Variants in GALNTL6 observed in about 807,000 individuals in gnomAD.
GALNTL6 encodes polypeptide N-acetylgalactosaminyltransferase-like 6.
GALNTL6 carries 46 observed loss-of-function variants against 73.7 expected under a neutral mutation model. The ratio of observed to expected loss-of-function variants is 0.62; its 90% CI spans 0.49 to 0.80. The LOEUF is 0.80. Ranked by LOEUF, GALNTL6 falls within the 30% of genes least tolerant of loss-of-function variation. The pLI is 0.00. For missense variants in GALNTL6, 604 were observed against 755.0 expected, an observed-to-expected ratio of 0.80 and a Z score of 2.34; for synonymous variants, 259 against 263.7, an observed-to-expected ratio of 0.98 and a Z score of 0.17.
intron 2 of GALNTL6, among the ~76,000 whole-genome samples, chr4:172,056,148 C>T (rs11132924): frequency 0.062 from 9,406 of 152,064 alleles, 439 homozygotes; most frequent in East Asian, 0.24. Flanking sequence ...TGACACTTAA[C>T]GAAAAAAATG....
chr4:172,959,904 G>A (rs866344016), intron 10 of GALNTL6, among the ~76,000 whole-genome samples: 85 of 152,330 alleles, frequency 5.6e-4, no homozygotes, highest in South Asian at 1.4e-3. Flanking sequence ...AAGTTCTTGT[G>A]TGCTGGAGAT....
chr4:171,904,424 A>T (rs7699364), intron 2 of GALNTL6, among the ~76,000 whole-genome samples: 11,747 of 151,538 alleles, frequency 0.078, 1,355 homozygotes, highest in African/African-American at 0.25. Context: ...TGAAACAAAG[A>T]GAGAAGGGAA....
At position 172,043,240 on chromosome 4, in the gene GALNTL6, C is replaced by G. The variant is rs192306572; in HGVS notation, c.139-186416C>G. Among the ~76,000 whole-genome samples, 3 of 152,136 alleles carry G rather than the reference C, an allele frequency of 2.0e-5. No individual in the cohort carries two copies. The East Asian group carries it at 5.8e-4, about 29-fold the overall frequency. On this transcript the variant is annotated intron_variant, in intron 2 of 12. Transcript: ENST00000506823. ...TTGATTAAAATCTCTGAAATGTAAT[C>G]TCTTTATACAGTATCTTCTTCATAA...
intron 5 of GALNTL6, among the ~76,000 whole-genome samples, chr4:172,365,731 A>G (rs58332886): frequency 0.031 from 4,711 of 151,856 alleles, 239 homozygotes; most frequent in African/African-American, 0.1. Context: ...ATCAAAATGT[A>G]TGTAGTGCGA....
chr4:172,448,084 C>T (rs2111415165), intron 5 of GALNTL6, among the ~76,000 whole-genome samples: 1 of 152,218 alleles, frequency 6.6e-6, no homozygotes, highest in Middle Eastern at 3.4e-3. Context: ...TCACTGCCTT[C>T]TTGCTCTAGT....
intron 10 of GALNTL6, among the ~76,000 whole-genome samples, chr4:172,955,843 C>T (rs572241555): frequency 2.5e-4 from 37 of 148,346 alleles, no homozygotes; most frequent in African/African-American, 8.0e-4. Flanking sequence ...CTGGCTGGCA[C>T]GGGTGGGGGT....
intron 2 of GALNTL6, among the ~76,000 whole-genome samples, chr4:172,088,555 TCAGA>T (rs1178801264): frequency 6.6e-6 from 1 of 152,178 alleles, no homozygotes; most frequent in Non-Finnish European, 1.5e-5. Context: ...GATTTAATGC[TCAGA>T]CAATGGTTAA....
intron 5 of GALNTL6, among the ~76,000 whole-genome samples, chr4:172,503,268 C>T (rs1226738677): frequency 6.6e-6 from 1 of 151,800 alleles, no homozygotes; most frequent in African/African-American, 2.4e-5. Context: ...AGCAAAATAC[C>T]TTATTAAATA....
intron 8 of GALNTL6, among the ~76,000 whole-genome samples, chr4:172,903,245 T>A (rs1469740827): frequency 2.0e-5 from 3 of 152,192 alleles, no homozygotes; most frequent in Non-Finnish European, 4.4e-5. Context: ...CTAAACCGTG[T>A]TTTCCTCTCC....
intron 5 of GALNTL6, among the ~76,000 whole-genome samples, chr4:172,570,371 T>C (rs1736716014): frequency 6.6e-6 from 1 of 152,176 alleles, no homozygotes; most frequent in Non-Finnish European, 1.5e-5. Flanking sequence ...TTTGATTCCC[T>C]AATACAAGTG....
chr4:172,597,318 A>T (rs982431938), intron 5 of GALNTL6, among the ~76,000 whole-genome samples: 1 of 152,264 alleles, frequency 6.6e-6, no homozygotes, highest in East Asian at 1.9e-4. Flanking sequence ...CATTCTATCA[A>T]ATTACTATAG....
intron 5 of GALNTL6, among the ~76,000 whole-genome samples, chr4:172,603,422 G>A (rs1738141329): frequency 6.6e-6 from 1 of 152,124 alleles, no homozygotes; most frequent in Admixed American, 6.6e-5. Context: ...AAGGCCATTG[G>A]CCAAGTGCAT....
chr4:172,659,063 C>T (rs1304613874), intron 5 of GALNTL6, among the ~76,000 whole-genome samples: 1 of 152,116 alleles, frequency 6.6e-6, no homozygotes, highest in African/African-American at 2.4e-5. Flanking sequence ...TCATTTAATC[C>T]TATCTCATCC....
chr4:172,497,613 C>A (rs72704844), intron 5 of GALNTL6, among the ~76,000 whole-genome samples: 1,603 of 152,296 alleles, frequency 0.011, 17 homozygotes, highest in Non-Finnish European at 0.016. Context: ...TCATACAGAG[C>A]AGATGTAGTA....
chr4:172,489,643 G>T (rs180947395), intron 5 of GALNTL6, among the ~76,000 whole-genome samples: 32 of 152,166 alleles, frequency 2.1e-4, no homozygotes, highest in African/African-American at 6.7e-4. Flanking sequence ...AGAATTCCTG[G>T]CATTATTTTT....
chr4:172,363,163 T>C (rs766890014), intron 5 of GALNTL6, among the ~76,000 whole-genome samples: 4 of 152,176 alleles, frequency 2.6e-5, no homozygotes, highest in Non-Finnish European at 4.4e-5. Flanking sequence ...AAAACCAAGA[T>C]GCCAAATTTT....
intron 2 of GALNTL6, among the ~76,000 whole-genome samples, chr4:172,042,147 C>G (rs1742103370): frequency 6.6e-6 from 1 of 151,868 alleles, no homozygotes; most frequent in African/African-American, 2.4e-5. Flanking sequence ...TCCAGTATGC[C>G]CTATTCCAAC....
At chr4:172,641,243 A>G (rs1279531729) in intron 5 of GALNTL6, among the ~76,000 whole-genome samples, 3 of 152,094 alleles carry the variant, frequency 2.0e-5, no homozygotes. Context: ...AACAGAACCC[A>G]TAAGTGATCT....
At chr4:172,314,205 C>T (rs930252951) in intron 4 of GALNTL6, among the ~76,000 whole-genome samples, 1 of 152,166 alleles carries the variant, frequency 6.6e-6, no homozygotes, top group African/African-American at 2.4e-5. Context: ...TTGACACAAT[C>T]TATAGAATAG....
Sources: gnomAD v4.1 joint callset for allele counts (sites outside exome capture counted in the v4.1 genomes callset) on GRCh38, gnomAD v4.1.1 for gene constraint, MANE v1.5 for transcripts, NCBI Gene and HGNC (gene_info 2026-07-23, HGNC 2026-07-21) for gene names.